CKMT2: variants seen among roughly 807,000 people sequenced by gnomAD.
CKMT2 encodes the protein creatine kinase, mitochondrial 2.
In CKMT2, 43 loss-of-function variants were observed where a neutral mutation model predicts 48.9. The ratio of observed to expected loss-of-function variants is 0.88; its 90% CI spans 0.69 to 1.13. The LOEUF (loss-of-function observed/expected upper bound fraction) is 1.13. CKMT2 is among the 50% of genes most tolerant of loss of function. The pLI is 0.00. For missense variants in CKMT2, 472 were observed against 555.4 expected (o/e 0.85, Z 1.51); for synonymous variants, 206 against 213.0 (o/e 0.97, Z 0.29).
At position 81,252,708 on chromosome 5, in the gene CKMT2, G is replaced by A. The variant is rs771670100; in HGVS notation, c.166G>A (p.Asp56Asn). The A allele has an allele frequency of 5.6e-6, 9 of 1,614,172 alleles. No individual in the cohort carries two copies. The highest frequency in any genetic ancestry group is 5.1e-6 in the Non-Finnish European group (6 of 1,180,034). The change falls in exon 3 of 10, where the codon GAC becomes AAC. Residue 56 changes from aspartate to asparagine, a missense_variant. Coordinates refer to ENST00000254035, the MANE Select transcript of CKMT2 (RefSeq NM_001099735.2). The stretch of plus-strand genomic sequence containing the variant: ...CTCCCCACACAGCGCAGACTACCCA[G>A]ACCTGCGCAAGCACAACAACTGCAT... ...RLFPPSADYPDLRKHNNCMAE... is the reference protein window; with the variant it reads ...RLFPPSADYPNLRKHNNCMAE...
chr5:81,233,779 GT>G (rs954601178), intron 1 of CKMT2, among the ~76,000 whole-genome samples: 3 of 152,178 alleles, frequency 2.0e-5, no homozygotes, highest in African/African-American at 7.2e-5. Flanking sequence ...TTCTGGGAAT[GT>G]TTTTCCCCAG....
intron 1 of CKMT2, among the ~76,000 whole-genome samples, chr5:81,243,388 C>T (rs35813740): frequency 0.069 from 10,453 of 152,056 alleles, 445 homozygotes; most frequent in Admixed American, 0.099. Flanking sequence ...AGAGTCCAAA[C>T]GGTAGGGGGT....
rs920121440 is a variant in CKMT2, at chr5:81,233,336, G to C, written c.-62G>C. ...CAGCTCGCCCTGCATACACTTCTTGGCTGTGTGCGCTCAGCAGGACGTGGG... is the reference window on the plus strand; with the variant it reads ...CAGCTCGCCCTGCATACACTTCTTGCCTGTGTGCGCTCAGCAGGACGTGGG... On this transcript the variant is annotated 5_prime_UTR_variant, in exon 1 of 10. Transcript: ENST00000254035. 4 of 985,774 alleles carry C rather than the reference G, an allele frequency of 4.1e-6. No individual in the cohort carries two copies. Among genetic ancestry groups the C allele is most frequent in the Non-Finnish European group, 4.8e-6 (4 of 830,200 alleles). 61.1% of individuals were successfully genotyped at this position (985,774 alleles called of 1,614,324 possible).
chr5:81,265,315 C>CTAAG lies in CKMT2; in HGVS notation c.1141-822_1141-819dup, dbSNP rs1757350764. Among the ~76,000 whole-genome samples the CTAAG allele has an allele frequency of 3.9e-5, 6 of 152,258 alleles. No homozygotes were observed. In the South Asian group the frequency reaches 1.2e-3, roughly 32 times the overall value. The stretch of plus-strand genomic sequence containing the variant: ...TTCTGATTCAACCCTCTCTTGGGGC[C>CTAAG]TAAGTTTCCTTATGCATATAAAGAG... On this transcript the variant is annotated intron_variant, in intron 9 of 9. Coordinates refer to ENST00000254035, the MANE Select transcript of CKMT2 (RefSeq NM_001099735.2).
At chr5:81,263,427 C>T (rs999245765) in intron 8 of CKMT2, 64 bp from the exon 9 acceptor site, 60 of 1,289,168 alleles carry the variant, frequency 4.7e-5, no homozygotes, top group East Asian at 1.4e-4. Flanking sequence ...TGTCAGTAAA[C>T]GCACCAATGA....
intron 9 of CKMT2, among the ~76,000 whole-genome samples, chr5:81,265,687 C>CCAAA (rs1371653479): frequency 1.3e-5 from 2 of 152,058 alleles, no homozygotes; most frequent in Admixed American, 6.6e-5. Context: ...GATTTAGTTG[C>CCAAA]CAAACATTTG....
At chr5:81,250,978 C>CACACACACACACACACACAGAG in intron 1 of CKMT2, 135 bp from the exon 2 acceptor site, 1 of 646,438 alleles carries the variant, frequency 1.5e-6, no homozygotes, top group Non-Finnish European at 2.7e-6. Context: ...CACACACACA[C>CACACACACACACACACACAGAG]AGAAAGAGAG....
chr5:81,260,523 T>G (rs1757178428), intron 8 of CKMT2, among the ~76,000 whole-genome samples: 1 of 152,162 alleles, frequency 6.6e-6, no homozygotes, highest in African/African-American at 2.4e-5. Flanking sequence ...TAAAAAGTGA[T>G]AAAGGGGCTA....
chr5:81,239,880 C>A (rs780422210), intron 1 of CKMT2, among the ~76,000 whole-genome samples: 1 of 152,186 alleles, frequency 6.6e-6, no homozygotes, highest in Non-Finnish European at 1.5e-5. Flanking sequence ...GTTATTTTGC[C>A]TTTCTCTCCC....
At chr5:81,254,707 C>T (rs56067803) in intron 4 of CKMT2, 36,460 of 595,558 alleles carry the variant, frequency 0.061, 1,301 homozygotes, top group Middle Eastern at 0.084. Context: ...AAGGGTTGGT[C>T]ATTGGGAACT....
chr5:81,252,726 A>C lies in CKMT2; in HGVS notation c.184A>C (p.Asn62His), dbSNP rs150041872. The change falls in exon 3 of 10, where the codon AAC becomes CAC. Residue 62 changes from asparagine (N) to histidine (H), a missense_variant. Transcript: ENST00000254035. ...ADYPDLRKHN[N>H]CMAECLTPAI... ...CTACCCAGACCTGCGCAAGCACAACAACTGCATGGCCGAGTGCCTCACCCC... is the reference window on the plus strand; with the variant it reads ...CTACCCAGACCTGCGCAAGCACAACCACTGCATGGCCGAGTGCCTCACCCC... 5.5e-4 allele frequency: 890 copies of C among 1,614,098 alleles called. 5 individuals are homozygous for C. The highest frequency in any genetic ancestry group is 8.7e-5 in the Non-Finnish European group (103 of 1,180,018).
chr5:81,240,707 TA>T, intron 1 of CKMT2, among the ~76,000 whole-genome samples: 1 of 152,300 alleles, frequency 6.6e-6, no homozygotes, highest in East Asian at 1.9e-4. Context: ...CTTGGGCTGT[TA>T]GTTAATGTCT....
chr5:81,233,808 G>A (rs2085454), intron 1 of CKMT2, among the ~76,000 whole-genome samples: 1 of 152,092 alleles, frequency 6.6e-6, no homozygotes, highest in African/African-American at 2.4e-5. Flanking sequence ...AGTCTCAAAA[G>A]ACATGTAAAT....
intron 6 of CKMT2, 141 bp downstream of exon 6, chr5:81,257,141 A>AGTGTGTGTGTGTGTGT (rs3830407): frequency 4.0e-5 from 20 of 499,014 alleles, no homozygotes; most frequent in African/African-American, 3.4e-4. Flanking sequence ...CTACTTGGAA[A>AGTGTGTGTGTGTGTGT]GTGTGTGTGT....
intron 1 of CKMT2, among the ~76,000 whole-genome samples, chr5:81,237,329 C>G (rs537883562): frequency 1.3e-5 from 2 of 152,228 alleles, no homozygotes; most frequent in South Asian, 4.2e-4. Context: ...CTACTGCAGC[C>G]TGTCCCGTCG....
chr5:81,257,223 C>A (rs188472458), intron 6 of CKMT2, among the ~76,000 whole-genome samples: 98 of 150,776 alleles, frequency 6.5e-4, no homozygotes, highest in African/African-American at 2.4e-3. Context: ...AGAAATATGA[C>A]CTGGTTTGCA....
intron 4 of CKMT2, chr5:81,254,719 T>G: frequency 1.7e-6 from 1 of 596,854 alleles, no homozygotes; most frequent in South Asian, 2.1e-5. Flanking sequence ...TTGGGAACTT[T>G]AAACCTTTCC....
chr5:81,243,079 T>G (rs1756491893), intron 1 of CKMT2, among the ~76,000 whole-genome samples: 1 of 152,210 alleles, frequency 6.6e-6, no homozygotes, highest in South Asian at 2.1e-4. Context: ...GGACTGAGAA[T>G]GTTGCCTTGA....
chr5:81,257,956 A>T lies in CKMT2; in HGVS notation c.879+100A>T, dbSNP rs1030671609. On this transcript the variant is annotated intron_variant, in intron 7 of 9. Transcript: ENST00000254035. The stretch of plus-strand genomic sequence containing the variant: ...CTATGGTAACTTCCAAGATGGAGCT[A>T]ATTTTTTTCTAGAAATCAAAGCAAC... 1.2e-5 allele frequency: 14 copies of T among 1,200,398 alleles called. No homozygotes were observed. The African/African-American group carries it at 2.0e-4, about 17-fold the overall frequency. 74.4% of individuals were successfully genotyped at this position (1,200,398 alleles called of 1,614,324 possible).
Sources: gnomAD v4.1 joint callset for allele counts (sites outside exome capture counted in the v4.1 genomes callset) on GRCh38, gnomAD v4.1.1 for gene constraint, MANE v1.5 for transcripts, NCBI Gene and HGNC (gene_info 2026-07-23, HGNC 2026-07-21) for gene names.